DPP10: variants seen among roughly 807,000 people sequenced by gnomAD.
The protein encoded by DPP10 is inactive dipeptidyl peptidase 10.
In DPP10, 33 loss-of-function variants were observed where a neutral mutation model predicts 120.9. The observed-to-expected ratio is 0.27, with a 90% CI of 0.21 to 0.37. DPP10 has a LOEUF of 0.37. DPP10 is among the 10% of genes least tolerant of loss of function. DPP10 has a pLI of 1.00. For synonymous variants in DPP10, 337 were observed against 326.1 expected (o/e 1.03, Z -0.36); for missense variants, 816 against 942.8 (o/e 0.87, Z 1.76).
chr2:114,469,761 G>A (rs1436841705), intron 1 of DPP10, among the ~76,000 whole-genome samples: 1 of 152,094 alleles, frequency 6.6e-6, no homozygotes, highest in Non-Finnish European at 1.5e-5. Context: ...TATGTATATT[G>A]AATGGCCAAA....
chr2:115,218,733 A>T (rs1051102500), intron 1 of DPP10, among the ~76,000 whole-genome samples: 3 of 152,078 alleles, frequency 2.0e-5, no homozygotes, highest in East Asian at 1.9e-4. Flanking sequence ...TATACTACTG[A>T]TTTCCCATGT....
chr2:115,133,145 G>GTGTGTATATATATATA (rs1338395575), intron 1 of DPP10, among the ~76,000 whole-genome samples: 18 of 28,760 alleles, frequency 6.3e-4, no homozygotes, highest in African/African-American at 1.4e-3. Context: ...GTGTGTGTGT[G>GTGTGTATATATATATA]TATATATATA....
At chr2:115,223,969 C>CA (rs1355667029) in intron 1 of DPP10, among the ~76,000 whole-genome samples, 1 of 152,090 alleles carries the variant, frequency 6.6e-6, no homozygotes, top group African/African-American at 2.4e-5. Context: ...ATCAAAGCTG[C>CA]AAAATCACAC....
intron 2 of DPP10, among the ~76,000 whole-genome samples, chr2:115,337,043 T>C (rs1303259840): frequency 6.6e-6 from 1 of 152,026 alleles, no homozygotes; most frequent in African/African-American, 2.4e-5. Flanking sequence ...AAATGTTTGT[T>C]GATGACTGAG....
intron 1 of DPP10, among the ~76,000 whole-genome samples, chr2:115,235,549 G>C (rs182831880): frequency 1.8e-4 from 27 of 151,582 alleles, no homozygotes; most frequent in African/African-American, 6.5e-4. Context: ...GTTTTTTTTT[G>C]TTTGTTTTTT....
At chr2:114,479,248 A>T (rs1015649547) in intron 1 of DPP10, among the ~76,000 whole-genome samples, 1 of 152,158 alleles carries the variant, frequency 6.6e-6, no homozygotes, top group African/African-American at 2.4e-5. Context: ...GCTTATTCTC[A>T]AATTTATATA....
chr2:115,429,764 A>G (rs2070803332), intron 3 of DPP10, among the ~76,000 whole-genome samples: 1 of 152,192 alleles, frequency 6.6e-6, no homozygotes, highest in Admixed American at 6.5e-5. Flanking sequence ...TAAGTTGGAA[A>G]TGTTGACAAG....
intron 1 of DPP10, among the ~76,000 whole-genome samples, chr2:114,618,362 A>G (rs1453177531): frequency 6.6e-6 from 1 of 152,080 alleles, no homozygotes; most frequent in Admixed American, 6.6e-5. Flanking sequence ...CATTAATGAC[A>G]AGTACACAGG....
At chr2:115,334,676 C>T (rs1250531743) in intron 2 of DPP10, among the ~76,000 whole-genome samples, 1 of 151,786 alleles carries the variant, frequency 6.6e-6, no homozygotes, top group African/African-American at 2.4e-5. Flanking sequence ...TTGAAGAGAA[C>T]AACTATGAAA....
intron 1 of DPP10, among the ~76,000 whole-genome samples, chr2:115,029,485 T>A (rs1189289918): frequency 6.6e-6 from 1 of 151,496 alleles, no homozygotes; most frequent in Non-Finnish European, 1.5e-5. Context: ...TCTGAAGAAC[T>A]CCCTTTGGCT....
chr2:115,587,089 CTTT>C (rs756810925), intron 5 of DPP10, among the ~76,000 whole-genome samples: 13 of 103,914 alleles, frequency 1.3e-4, no homozygotes, highest in African/African-American at 3.0e-4. Flanking sequence ...TTTTCTCTTT[CTTT>C]TTTTTTTTTT....
chr2:114,496,693 A>C (rs1682546485), intron 1 of DPP10, among the ~76,000 whole-genome samples: 1 of 152,036 alleles, frequency 6.6e-6, no homozygotes, highest in Non-Finnish European at 1.5e-5. Context: ...TTGGAGAGAC[A>C]CAAATATTTA....
intron 3 of DPP10, among the ~76,000 whole-genome samples, chr2:115,395,757 A>G (rs192122982): frequency 6.6e-6 from 1 of 151,926 alleles, no homozygotes. Context: ...TTAAATTTGC[A>G]TTATTTTACA....
chr2:114,995,061 A>G (rs1008210779), intron 1 of DPP10, among the ~76,000 whole-genome samples: 3 of 152,214 alleles, frequency 2.0e-5, no homozygotes, highest in Admixed American at 6.5e-5. Flanking sequence ...GCAAACGTGA[A>G]GTAAGCAGGG....
chr2:115,442,745 C>T (rs897207654), intron 3 of DPP10, among the ~76,000 whole-genome samples: 3 of 152,102 alleles, frequency 2.0e-5, no homozygotes, highest in African/African-American at 7.2e-5. Flanking sequence ...TCCCTTACAA[C>T]GATATTAAAA....
intron 1 of DPP10, among the ~76,000 whole-genome samples, chr2:114,450,529 A>G (rs1678204499): frequency 6.6e-6 from 1 of 152,098 alleles, no homozygotes; most frequent in African/African-American, 2.4e-5. Context: ...AGAACAAAGA[A>G]AGCTATAAAT....
At chr2:114,927,318 G>GT (rs11450458) in intron 1 of DPP10, among the ~76,000 whole-genome samples, 36,539 of 146,928 alleles carry the variant, frequency 0.25, 4,485 homozygotes, top group East Asian at 0.37. Context: ...ATTTAGAAAG[G>GT]TTTTTTTTTT....
rs543157880 is a variant in DPP10, at chr2:114,585,509, T to TA, written c.60+142673dup. On this transcript the variant is annotated intron_variant, in intron 1 of 25. Coordinates refer to ENST00000410059, the MANE Select transcript of DPP10 (RefSeq NM_020868.6). ...AAATCCCTTTCCAGCGACACCTAGA[T>TA]AAGTTTAATTGAATAGTTGGGAGTA... 5.6e-3 allele frequency among the ~76,000 whole-genome samples: 859 copies of TA among 152,274 alleles called. 7 individuals are homozygous for TA. Among genetic ancestry groups the TA allele is most frequent in the Non-Finnish European group, 1.0e-2 (678 of 68,012 alleles).
chr2:114,936,999 T>G (rs1696535727), intron 1 of DPP10, among the ~76,000 whole-genome samples: 1 of 152,214 alleles, frequency 6.6e-6, no homozygotes, highest in Admixed American at 6.5e-5. Flanking sequence ...ATTAGTCCTT[T>G]GTCGGATGTA....
Sources: allele counts gnomAD v4.1 joint callset (sites outside exome capture counted in the v4.1 genomes callset), GRCh38; gene constraint gnomAD v4.1.1; transcripts MANE v1.5; gene names NCBI Gene and HGNC (gene_info 2026-07-23, HGNC 2026-07-21).